Variants in HMCN2 observed in about 807,000 individuals in gnomAD.
The protein encoded by HMCN2 is hemicentin 2, also known as hemicentin-2.
Under a neutral mutation model 377.5 loss-of-function variants are expected in HMCN2, and 325 were observed. The ratio of observed to expected loss-of-function variants is 0.86; its 90% confidence interval spans 0.79 to 0.94. The LOEUF (loss-of-function observed/expected upper bound fraction) is 0.94, where lower values mean the gene tolerates loss of function less well. Among genes scored for constraint, HMCN2 ranks in the 40% least tolerant of loss-of-function variants. The pLI is 0.00. For synonymous variants in HMCN2, 2,007 were observed against 2,046.8 expected, an observed-to-expected ratio of 0.98 and a Z score of 0.53; for missense variants, 4,543 against 4,725.3, an observed-to-expected ratio of 0.96 and a Z score of 1.13.
rs956399892 is a variant in HMCN2, at chr9:130,386,450, A to C, written c.9317A>C (p.Asp3106Ala). 1.5e-5 allele frequency: 20 copies of C among 1,303,356 alleles called. No individual in the cohort carries two copies. In the African/African-American group the frequency reaches 2.9e-4, roughly 19 times the overall value. The allele number at this position is 1,303,356 out of a possible 1,614,324, so 80.7% of individuals were successfully genotyped here. Reference sequence around the variant, plus strand: ...GTGCTCTTCCTCTTTCAGGTATCGGATAAAGGTTTATACAGCTGTAAAGTC... The same window carrying C: ...GTGCTCTTCCTCTTTCAGGTATCGGCTAAAGGTTTATACAGCTGTAAAGTC... ...RLEIQEAQVS[D>A]KGLYSCKVSN... The change falls in exon 61 of 98, where the codon GAT (aspartate) becomes GCT (alanine). Residue 3106 changes from aspartate (D) to alanine (A), a missense_variant. Physicochemically the swap from Asp to Ala is moderately radical, Grantham distance 126. Around this residue, in one of 5 missense-constraint regions of HMCN2, gnomAD observed 736 missense variants for 773.2 expected, o/e 0.95. Transcript: ENST00000683500.
chr9:130,280,081 C>T (rs1835024050), intron 1 of HMCN2, among the ~76,000 whole-genome samples: 1 of 152,050 alleles, frequency 6.6e-6, no homozygotes, highest in Non-Finnish European at 1.5e-5. Context: ...CCTAAAACCC[C>T]CAGGAGGAAT....
intron 39 of HMCN2, 36 bp from the exon 40 acceptor site, chr9:130,362,831 C>A (rs1840455201): frequency 2.0e-6 from 2 of 985,718 alleles, no homozygotes; most frequent in Admixed American, 6.1e-5. Context: ...AACAGCAGGA[C>A]AGTTGCCTAA....
intron 83 of HMCN2, among the ~76,000 whole-genome samples, 172 bp from the exon 84 acceptor site, chr9:130,408,571 A>G (rs1053238277): frequency 6.6e-6 from 1 of 152,124 alleles, no homozygotes; most frequent in South Asian, 2.1e-4. Context: ...GACCCATGAC[A>G]TGAACACTGT....
Position 130,385,131 on chromosome 9 carries a change from G to A in HMCN2, c.9106+333G>A, listed in dbSNP as rs560349030. On this transcript the variant is annotated intron_variant, in intron 59 of 97. Transcript: ENST00000683500. ...GCTGGAAGGTTCTTTCTAGCCCCGGGGCTGGTCCATTCACTTGCACGAACA... is the reference window on the plus strand; with the variant it reads ...GCTGGAAGGTTCTTTCTAGCCCCGGAGCTGGTCCATTCACTTGCACGAACA... Among the ~76,000 whole-genome samples the A allele has an allele frequency of 3.9e-5, 6 of 152,294 alleles. No homozygotes were observed. In the South Asian group the frequency reaches 1.2e-3, roughly 32 times the overall value.
chr9:130,401,027 C>A (rs76367193), intron 77 of HMCN2, 80 bp downstream of exon 77: 2 of 1,174,278 alleles, frequency 1.7e-6, no homozygotes, highest in Non-Finnish European at 2.2e-6. Context: ...GGTCACATGG[C>A]GGAATAGGAT....
chr9:130,383,520 T>C lies in HMCN2; in HGVS notation c.8750T>C (p.Val2917Ala). ...CACCCACAGGTTTCCACGGCAGAGG[T>C]GGCCGACGCCGCCAGCTACATGTGT... The part of the protein sequence containing the change: ...GQVLQVSTAE[V>A]ADAASYMCVA... Residue 2917 changes from valine to alanine, a missense_variant, in exon 57 of 98, where the codon GTG becomes GCG. By Grantham distance (64) the Val-to-Ala change is moderately conservative. Around this residue, in one of 5 missense-constraint regions of HMCN2, gnomAD observed 736 missense variants for 773.2 expected, o/e 0.95. Transcript: ENST00000683500. The C allele has an allele frequency of 1.0e-6, 1 of 985,978 alleles. No homozygotes were observed. Among genetic ancestry groups the C allele is most frequent in the Non-Finnish European group, 1.2e-6 (1 of 830,084 alleles). 61.1% of individuals were successfully genotyped at this position (985,978 alleles called of 1,614,324 possible).
chr9:130,299,935 C>G (rs1836405182), intron 8 of HMCN2, among the ~76,000 whole-genome samples: 1 of 149,046 alleles, frequency 6.7e-6, no homozygotes, highest in African/African-American at 2.5e-5. Context: ...AATCATGCAT[C>G]CATTGACTCA....
intron 54 of HMCN2, among the ~76,000 whole-genome samples, chr9:130,381,488 C>G (rs1841718931): frequency 6.6e-6 from 1 of 152,198 alleles, no homozygotes; most frequent in Non-Finnish European, 1.5e-5. Context: ...CCTACCTCAG[C>G]CTTCTGAGTA....
chr9:130,428,304 G>C lies in HMCN2; in HGVS notation c.14066-54G>C. ...ATAGGCCGGGCCAGGGTCAGGTGGC[G>C]AGGCACGCCTGGGGATCATGTTCAC... On this transcript the variant is annotated intron_variant, in intron 92 of 97. Transcript: ENST00000683500. The surrounding 1 kb of genome is among the most constrained non-coding windows in gnomAD (Gnocchi z 5.0). 2 of 1,474,056 alleles carry C rather than the reference G, an allele frequency of 1.4e-6. No individual in the cohort carries two copies. Among genetic ancestry groups the C allele is most frequent in the Non-Finnish European group, 1.8e-6 (2 of 1,106,272 alleles). 91.3% of individuals were successfully genotyped at this position (1,474,056 alleles called of 1,614,324 possible).
chr9:130,308,635 C>G lies in HMCN2; in HGVS notation c.2200+1069C>G, dbSNP rs915460185. Among the ~76,000 whole-genome samples, 1 of 152,136 alleles carries G rather than the reference C, an allele frequency of 6.6e-6. No homozygotes were observed. The highest frequency in any genetic ancestry group is 6.5e-5 in the Admixed American group (1 of 15,274). ...GAGTTGAGCGTTTTTTTTAGGGTCACCAGCAAGTGGGTGGCACAGGCTTCT... is the reference window on the plus strand; with the variant it reads ...GAGTTGAGCGTTTTTTTTAGGGTCAGCAGCAAGTGGGTGGCACAGGCTTCT... On this transcript the variant is annotated intron_variant, in intron 14 of 97. Transcript: ENST00000683500. This position sits in a 1 kb window ranked among gnomAD's most constrained non-coding sequence, Gnocchi z 4.1.
rs1554927263 is a variant in HMCN2, at chr9:130,285,288, T to C, written c.461T>C (p.Leu154Pro). ...AKDYHKKEELLRLLQLKQSQV... is the reference protein window; with the variant it reads ...AKDYHKKEELPRLLQLKQSQV... ...GACTATCACAAGAAGGAAGAGCTGC[T>C]GCGGCTCCTGCAGCTCAAGCAATCA... Residue 154 changes from leucine (L) to proline (P), a missense_variant, in exon 3 of 98, where the codon CTG (leucine) becomes CCG (proline). Leu to Pro is a moderately conservative substitution (Grantham distance 98, BLOSUM62 -3). Around this residue, in one of 5 missense-constraint regions of HMCN2, gnomAD observed 547 missense variants for 189.9 expected, o/e 2.88. Coordinates refer to ENST00000683500, the MANE Select transcript of HMCN2 (RefSeq NM_001291815.2). The C allele has an allele frequency of 4.2e-6, 2 of 471,154 alleles. No homozygotes were observed. Among genetic ancestry groups the C allele is most frequent in the South Asian group, 3.1e-5 (2 of 64,572 alleles). The allele number at this position is 471,154 out of a possible 1,614,324, so 29.2% of individuals were successfully genotyped here.
intron 77 of HMCN2, among the ~76,000 whole-genome samples, chr9:130,402,058 C>G (rs1420795893): frequency 6.6e-6 from 1 of 152,198 alleles, no homozygotes; most frequent in Non-Finnish European, 1.5e-5. Context: ...GCCTGGGCAA[C>G]AGAGTGAGAC....
At position 130,295,666 on chromosome 9, in the gene HMCN2, G is replaced by A; in HGVS notation, c.785G>A (p.Gly262Glu). The change falls in exon 6 of 98, where the codon GGG becomes GAG. Residue 262 changes from glycine (G) to glutamate (E), a missense_variant and splice_region_variant. Gly to Glu is a moderately conservative substitution (Grantham distance 98). Coordinates refer to ENST00000683500, the MANE Select transcript of HMCN2 (RefSeq NM_001291815.2). The part of the protein sequence containing the change: ...GPEIEVQDPL[G>E]RILQEDEGLN... ...TGAGCAGCCCTTGGGGCTTCCACAG[G>A]GAGGATCCTGCAGGAGGACGAGGGC... 1 of 470,806 alleles carries A rather than the reference G, an allele frequency of 2.1e-6. No individual in the cohort carries two copies. The highest frequency in any genetic ancestry group is 1.5e-5 in the South Asian group (1 of 64,534). The allele number at this position is 470,806 out of a possible 1,614,324, so 29.2% of individuals were successfully genotyped here.
intron 15 of HMCN2, among the ~76,000 whole-genome samples, chr9:130,311,952 A>G (rs1036090719): frequency 0.015 from 2,284 of 152,254 alleles, 57 homozygotes; most frequent in African/African-American, 0.052. Context: ...GAGCCTGATA[A>G]GGACAGCCAC....
chr9:130,395,342 C>T lies in HMCN2; in HGVS notation c.10906C>T (p.Leu3636=). 3 of 1,287,508 alleles carry T rather than the reference C, an allele frequency of 2.3e-6. No homozygotes were observed. The highest frequency in any genetic ancestry group is 3.0e-6 in the Non-Finnish European group (3 of 987,750). The allele number at this position is 1,287,508 out of a possible 1,614,324, so 79.8% of individuals were successfully genotyped here. A position where few individuals can be genotyped will look rare whatever the true frequency, so the allele number is the denominator to read the frequency against. Residue 3636 remains leucine, a synonymous_variant, in exon 71 of 98, where the codon CTG becomes TTG. Transcript: ENST00000683500. ...CACGTGGCACCGAGACGGCATTGTG[C>T]TGCAGGTGGGCGCCAGGCAGGGCCC... ...KITWHRDGIV[L]QEDAHTQFPE...
Position 130,404,935 on chromosome 9 carries a change from C to T in HMCN2, c.12215C>T (p.Pro4072Leu). The stretch of plus-strand genomic sequence containing the variant: ...ACCGAAGGCTCCCACGCCTTCTTGC[C>T]TTGCAAGGCGAGGGGCAGTCCTGAG... ...STTEGSHAFL[P>L]CKARGSPEPN... The change falls in exon 81 of 98, where the codon CCT (proline) becomes CTT (leucine). Residue 4072 changes from proline (P) to leucine (L), a missense_variant. By Grantham distance (98) the Pro-to-Leu change is moderately conservative. This residue lies in a region of HMCN2 where 1,073 missense variants were observed against 1,319.5 expected (regional missense o/e 0.81). Coordinates refer to ENST00000683500, the MANE Select transcript of HMCN2 (RefSeq NM_001291815.2). The T allele has an allele frequency of 7.8e-7, 1 of 1,288,758 alleles. No homozygotes were observed. Among genetic ancestry groups the T allele is most frequent in the Non-Finnish European group, 1.0e-6 (1 of 988,344 alleles). 79.8% of individuals were successfully genotyped at this position (1,288,758 alleles called of 1,614,324 possible).
At chr9:130,273,414 G>A (rs578089887) in intron 1 of HMCN2, among the ~76,000 whole-genome samples, 2 of 151,766 alleles carry the variant, frequency 1.3e-5, no homozygotes, top group East Asian at 1.9e-4. Flanking sequence ...AATATTTCAC[G>A]TTTTAAGTGT....
intron 1 of HMCN2, 75 bp from the exon 2 acceptor site, chr9:130,284,528 G>T: frequency 2.1e-6 from 1 of 465,552 alleles, no homozygotes; most frequent in Admixed American, 2.4e-5. Context: ...TCCTCATGTC[G>T]CCGACAAACC....
At position 130,362,880 on chromosome 9, in the gene HMCN2, G is replaced by T. The variant is rs563148947; in HGVS notation, c.6122G>T (p.Gly2041Val). 1.4e-4 allele frequency: 136 copies of T among 985,936 alleles called. No individual in the cohort carries two copies. The African/African-American group carries it at 2.2e-3, about 16-fold the overall frequency. The allele number at this position is 985,936 out of a possible 1,614,324, so 61.1% of individuals were successfully genotyped here. A position where few individuals can be genotyped will look rare whatever the true frequency, so the allele number is the denominator to read the frequency against. ...CTGGGGTCACAGGTCTTCCCTGGGG[G>T]CCGGGTCCTCACCTTGGCTAGTGCC... Reference protein sequence around the residue: ...GTPGLQVFPGGRVLTLASARA... With the variant: ...GTPGLQVFPGVRVLTLASARA... The change falls in exon 40 of 98, where the codon GGC (glycine) becomes GTC (valine). Residue 2041 changes from glycine (G) to valine (V), a missense_variant. Physicochemically the swap from Gly to Val is moderately radical, Grantham distance 109. This residue lies in a region of HMCN2 where 1,032 missense variants were observed against 1,285.1 expected (regional missense o/e 0.80). Coordinates refer to ENST00000683500, the MANE Select transcript of HMCN2 (RefSeq NM_001291815.2).
Sources: gnomAD v4.1 joint callset for allele counts (sites outside exome capture counted in the v4.1 genomes callset) on GRCh38, gnomAD v4.1.1 for gene constraint, gnomAD v4.1.1 regional missense constraint, Gnocchi (gnomAD v3.1) non-coding constraint, MANE v1.5 for transcripts, NCBI Gene and HGNC (gene_info 2026-07-23, HGNC 2026-07-21) for gene names.